XKR6: variants seen among roughly 807,000 people sequenced by gnomAD.
The protein encoded by XKR6 is XK related 6, also known as XK-related protein 6.
In XKR6, 22 loss-of-function variants were observed where a neutral mutation model predicts 56.7. The ratio of observed to expected loss-of-function variants is 0.39; its 90% CI spans 0.28 to 0.55. The LOEUF (loss-of-function observed/expected upper bound fraction) is 0.55, where lower values mean the gene tolerates loss of function less well. Among genes scored for constraint, XKR6 ranks in the 20% least tolerant of loss-of-function variants. The pLI is 0.66. For synonymous variants in XKR6, 524 were observed against 387.8 expected (o/e 1.35, Z -4.13); for missense variants, 852 against 889.0 (o/e 0.96, Z 0.53).
chr8:11,030,363 T>C (rs997902411), intron 1 of XKR6, among the ~76,000 whole-genome samples: 3 of 152,362 alleles, frequency 2.0e-5, no homozygotes, highest in Admixed American at 2.0e-4. Flanking sequence ...ATTGTTTCTC[T>C]GCAGATGCCA....
At chr8:11,158,406 T>C (rs1801632148) in intron 1 of XKR6, among the ~76,000 whole-genome samples, 1 of 152,182 alleles carries the variant, frequency 6.6e-6, no homozygotes, top group African/African-American at 2.4e-5. Context: ...GACCAGTTGT[T>C]CAGGATGGCT....
chr8:11,123,316 G>A (rs1799549182), intron 1 of XKR6: 1 of 151,250 alleles, frequency 6.6e-6, no homozygotes, highest in African/African-American at 2.4e-5. Flanking sequence ...CTTGCTTTAA[G>A]TTGCCAACAA....
intron 1 of XKR6, among the ~76,000 whole-genome samples, chr8:10,966,314 C>G (rs1197465456): frequency 6.6e-6 from 1 of 152,128 alleles, no homozygotes; most frequent in Non-Finnish European, 1.5e-5. Context: ...GTGTATACAG[C>G]CTTCCCACTC....
chr8:11,198,840 C>G (rs1333850157), intron 1 of XKR6, among the ~76,000 whole-genome samples: 1 of 152,012 alleles, frequency 6.6e-6, no homozygotes, highest in Non-Finnish European at 1.5e-5. Context: ...GTTAAAATCT[C>G]TCTTCCCCAT....
chr8:11,094,583 C>G (rs1798208668), intron 1 of XKR6, among the ~76,000 whole-genome samples: 1 of 152,182 alleles, frequency 6.6e-6, no homozygotes, highest in Admixed American at 6.5e-5. Context: ...TGGGAACCCT[C>G]TGTCTCCCAA....
rs933202382 is a variant in XKR6 at position 11,022,871 on chromosome 8, C to T, written c.765-98041G>A. ...ATTGATCAACATTTAGTTCCTCAGG[C>T]ACCTGTGTAAGGTCCTCCACGTCCC... is the stretch of plus-strand genomic sequence containing the variant. On this transcript the variant is annotated intron_variant, in intron 1 of 2. Coordinates refer to ENST00000416569, the MANE Select transcript of XKR6 (RefSeq NM_173683.4). 5.9e-5 allele frequency among the ~76,000 whole-genome samples: 9 copies of T among 152,274 alleles called. No homozygotes were observed. In the East Asian group the frequency reaches 1.7e-3, roughly 29 times the overall value.
At chr8:11,122,375 A>C (rs1426724001) in intron 1 of XKR6, among the ~76,000 whole-genome samples, 1 of 152,232 alleles carries the variant, frequency 6.6e-6, no homozygotes, top group Non-Finnish European at 1.5e-5. Context: ...CACTAACCAG[A>C]GATAGAATAC....
At chr8:10,940,698 TTG>T (rs2129123428) in intron 1 of XKR6, among the ~76,000 whole-genome samples, 1 of 152,298 alleles carries the variant, frequency 6.6e-6, no homozygotes, top group African/African-American at 2.4e-5. Context: ...AGGAGCTGCC[TTG>T]GCCAGCAGCA....
intron 1 of XKR6, among the ~76,000 whole-genome samples, chr8:11,160,911 CAAAAA>C (rs33931830): frequency 7.8e-5 from 5 of 63,786 alleles, no homozygotes; most frequent in Middle Eastern, 9.6e-3. Context: ...GACTCCGTCT[CAAAAA>C]AAAAAAAAAA....
At chr8:11,059,794 G>A (rs987030979) in intron 1 of XKR6, among the ~76,000 whole-genome samples, 9 of 152,004 alleles carry the variant, frequency 5.9e-5, no homozygotes, top group African/African-American at 2.2e-4. Context: ...GACCCCGCTG[G>A]AGCGCGGTCC....
At chr8:11,139,138 T>G (rs1800551942) in intron 1 of XKR6, among the ~76,000 whole-genome samples, 1 of 152,218 alleles carries the variant, frequency 6.6e-6, no homozygotes. Flanking sequence ...ACAGGCAATT[T>G]TACTCTCTTG....
chr8:11,003,890 G>A (rs563804254), intron 1 of XKR6, among the ~76,000 whole-genome samples: 14 of 152,330 alleles, frequency 9.2e-5, no homozygotes, highest in African/African-American at 1.2e-4. Flanking sequence ...CAGGTGAACC[G>A]TCCAGAGGGC....
rs891656152 is a variant in XKR6, at chr8:11,015,645, C to A, written c.765-90815G>T. 1.3e-4 allele frequency among the ~76,000 whole-genome samples: 20 copies of A among 152,284 alleles called. 1 individual carries two copies. Among genetic ancestry groups the A allele is most frequent in the African/African-American group, 4.8e-4 (20 of 41,548 alleles). On this transcript the variant is annotated intron_variant, in intron 1 of 2. Coordinates refer to ENST00000416569, the MANE Select transcript of XKR6 (RefSeq NM_173683.4). ...GGCAAGAAGCGGGGCTGGCTGCGTT[C>A]GGGACCCAGCGCCCCCCAGGCCCTC...
At chr8:10,901,896 C>G (rs142217587) in intron 2 of XKR6, among the ~76,000 whole-genome samples, 7 of 152,136 alleles carry the variant, frequency 4.6e-5, no homozygotes, top group Admixed American at 2.6e-4. Flanking sequence ...ACATTGGCCC[C>G]GTTCACACCA....
chr8:11,062,271 G>C (rs1276315022), intron 1 of XKR6, among the ~76,000 whole-genome samples: 1 of 152,028 alleles, frequency 6.6e-6, no homozygotes, highest in Non-Finnish European at 1.5e-5. Flanking sequence ...TGGGAGCCAA[G>C]GCCAGAGAGT....
At chr8:10,926,586 G>A (rs1458345425) in intron 1 of XKR6, among the ~76,000 whole-genome samples, 1 of 152,386 alleles carries the variant, frequency 6.6e-6, no homozygotes, top group Non-Finnish European at 1.5e-5. Context: ...AGGGATATGG[G>A]AGGAAGGTTG....
At chr8:11,070,046 G>T (rs1361524434) in intron 1 of XKR6, among the ~76,000 whole-genome samples, 1 of 152,170 alleles carries the variant, frequency 6.6e-6, no homozygotes, top group Non-Finnish European at 1.5e-5. Flanking sequence ...CATGAATTAA[G>T]CAGAACTCTT....
chr8:11,088,230 T>C (rs73198916), intron 1 of XKR6, among the ~76,000 whole-genome samples: 4,614 of 148,328 alleles, frequency 0.031, 108 homozygotes, highest in Non-Finnish European at 0.048. Flanking sequence ...AAAAGAGATA[T>C]TGTTAAATAT....
At chr8:11,073,595 T>G (rs1277680424) in intron 1 of XKR6, among the ~76,000 whole-genome samples, 1 of 152,228 alleles carries the variant, frequency 6.6e-6, no homozygotes, top group Non-Finnish European at 1.5e-5. Context: ...TGAATTAAAC[T>G]GATGAAAATC....
Sources: gnomAD v4.1 joint callset for allele counts (sites outside exome capture counted in the v4.1 genomes callset) on GRCh38, gnomAD v4.1.1 for gene constraint, MANE v1.5 for transcripts, NCBI Gene and HGNC (gene_info 2026-07-23, HGNC 2026-07-21) for gene names.